Variants in RFX7 observed in about 807,000 individuals in gnomAD.
RFX7 encodes the protein regulatory factor X7.
RFX7 carries 26 observed loss-of-function variants against 111.8 expected under a neutral mutation model. The observed-to-expected ratio is 0.23, with a 90% CI of 0.17 to 0.32. The LOEUF (loss-of-function observed/expected upper bound fraction) is 0.32. Among genes scored for constraint, RFX7 ranks in the 10% least tolerant of loss-of-function variants. RFX7 has a pLI of 1.00. For synonymous variants in RFX7, 624 were observed against 624.4 expected (o/e 1.00, Z 0.01); for missense variants, 1,573 against 1,772.9 (o/e 0.89, Z 2.02).
In RFX7 at chr15:56,095,812, G is replaced by T. The variant is rs2041667915; in HGVS notation, c.1916C>A (p.Pro639Gln). The T allele has an allele frequency of 6.2e-7, 1 of 1,611,632 alleles. No homozygotes were observed. The highest frequency in any genetic ancestry group is 8.5e-7 in the Non-Finnish European group (1 of 1,179,868). Residue 639 changes from proline (P) to glutamine (Q), a missense_variant, in exon 10 of 10, where the codon CCA (proline) becomes CAA (glutamine). By Grantham distance (76) the Pro-to-Gln change is moderately conservative. Transcript: ENST00000559447. Reference protein sequence around the residue: ...QNLTFTSSSSPPNGDSINKDP... With the variant: ...QNLTFTSSSSQPNGDSINKDP... ...TTTATTGATTGAGTCACCATTAGGT[G>T]GTGAGCTGCTGCTGGTGAAAGTTAA...
intron 5 of RFX7, among the ~76,000 whole-genome samples, chr15:56,139,936 G>A (rs2042364036): frequency 6.6e-6 from 1 of 152,234 alleles, no homozygotes; most frequent in Admixed American, 6.5e-5. Flanking sequence ...TCAGGGGTCA[G>A]GGGCCAGGGA....
At position 56,096,179 on chromosome 15, in the gene RFX7, C is replaced by G; in HGVS notation, c.1549G>C (p.Val517Leu). Residue 517 changes from valine to leucine, a missense_variant, in exon 10 of 10, where the codon GTG (valine) becomes CTG (leucine). Around this residue, in one of 7 missense-constraint regions of RFX7, gnomAD observed 625 missense variants for 632.2 expected, o/e 0.99. Transcript: ENST00000559447. ...CTGGACCCAGGAGACTGAAGCGACA[C>G]GACAGAACCATTCTTGATCTGTGGA... is the stretch of plus-strand genomic sequence containing the variant. Reference protein sequence around the residue: ...SVPQIKNGSVVSLQSPGSRSS... With the variant: ...SVPQIKNGSVLSLQSPGSRSS... The G allele has an allele frequency of 6.2e-7, 1 of 1,613,886 alleles. No homozygotes were observed. The highest frequency in any genetic ancestry group is 1.1e-5 in the South Asian group (1 of 91,078).
At chr15:56,132,190 T>TA (rs2042226980) in intron 5 of RFX7, among the ~76,000 whole-genome samples, 1 of 152,094 alleles carries the variant, frequency 6.6e-6, no homozygotes, top group Non-Finnish European at 1.5e-5. Context: ...AAAATCCCCT[T>TA]AGAGTTTCCT....
intron 3 of RFX7, among the ~76,000 whole-genome samples, chr15:56,174,724 T>C (rs372296631): frequency 1.0e-3 from 154 of 152,132 alleles, no homozygotes; most frequent in African/African-American, 3.5e-3. Flanking sequence ...TAAAGCCTGG[T>C]TGATAGAGCC....
chr15:56,107,889 C>T (rs2041853322), intron 5 of RFX7, among the ~76,000 whole-genome samples: 1 of 152,162 alleles, frequency 6.6e-6, no homozygotes, highest in South Asian at 2.1e-4. Flanking sequence ...CCACTGATCC[C>T]ACAGAAATAC....
intron 5 of RFX7, among the ~76,000 whole-genome samples, chr15:56,112,885 A>G (rs1290726972): frequency 1.3e-5 from 2 of 152,256 alleles, no homozygotes; most frequent in African/African-American, 4.8e-5. Flanking sequence ...TATGCAACCA[A>G]CAAAAATATG....
intron 5 of RFX7, among the ~76,000 whole-genome samples, chr15:56,121,836 T>A (rs562363776): frequency 2.0e-5 from 3 of 152,208 alleles, no homozygotes; most frequent in Non-Finnish European, 4.4e-5. Context: ...AGTGTATTAA[T>A]TGCATCTTTC....
At chr15:56,102,331 A>C in intron 6 of RFX7, 78 bp from the exon 7 acceptor site, 1 of 775,370 alleles carries the variant, frequency 1.3e-6, no homozygotes, top group Non-Finnish European at 2.0e-6. Flanking sequence ...GTAACCATAT[A>C]TGAAATGAGA....
chr15:56,130,035 C>CA (rs2140989100), intron 5 of RFX7, among the ~76,000 whole-genome samples: 1 of 152,160 alleles, frequency 6.6e-6, no homozygotes, highest in African/African-American at 2.4e-5. Context: ...ACTAAGGATA[C>CA]AAAATCATGA....
chr15:56,205,233 T>C (rs1405065377), intron 2 of RFX7, among the ~76,000 whole-genome samples: 1 of 152,234 alleles, frequency 6.6e-6, no homozygotes, highest in East Asian at 1.9e-4. Context: ...TAGCTGTAAT[T>C]GCCAGTAGCA....
chr15:56,166,802 T>A (rs1321583627), intron 3 of RFX7, among the ~76,000 whole-genome samples: 1 of 152,176 alleles, frequency 6.6e-6, no homozygotes, highest in African/African-American at 2.4e-5. Flanking sequence ...TCACCCAGAC[T>A]GTACTGTGGC....
intron 5 of RFX7, among the ~76,000 whole-genome samples, chr15:56,112,984 T>C (rs1168832871): frequency 2.6e-5 from 4 of 152,204 alleles, no homozygotes; most frequent in Non-Finnish European, 1.5e-5. Flanking sequence ...ATGGCGATTA[T>C]TAAAAAGTCA....
chr15:56,128,087 T>A (rs770747633), intron 5 of RFX7, among the ~76,000 whole-genome samples: 7 of 151,914 alleles, frequency 4.6e-5, no homozygotes, highest in Non-Finnish European at 1.0e-4. Flanking sequence ...CAAAAGGAAA[T>A]AGATAACCTG....
intron 5 of RFX7, among the ~76,000 whole-genome samples, chr15:56,123,008 G>C (rs926716893): frequency 3.9e-4 from 60 of 151,960 alleles, no homozygotes; most frequent in African/African-American, 1.4e-3. Flanking sequence ...TAAGAGCCAA[G>C]GCCTGGAATC....
intron 2 of RFX7, among the ~76,000 whole-genome samples, chr15:56,240,746 G>C (rs1375222714): frequency 6.6e-6 from 1 of 152,062 alleles, no homozygotes; most frequent in African/African-American, 2.4e-5. Context: ...TCAGGAAGTA[G>C]TACAAAACTG....
chr15:56,115,386 A>G (rs1354196132), intron 5 of RFX7, among the ~76,000 whole-genome samples: 3 of 152,230 alleles, frequency 2.0e-5, no homozygotes, highest in Non-Finnish European at 4.4e-5. Flanking sequence ...AAATATCCAC[A>G]GTACAGAAAT....
At chr15:56,117,257 G>C (rs1461772559) in intron 5 of RFX7, among the ~76,000 whole-genome samples, 2 of 152,122 alleles carry the variant, frequency 1.3e-5, no homozygotes, top group Admixed American at 1.3e-4. Flanking sequence ...ACGGAGAAAG[G>C]AGATTTAAAC....
chr15:56,213,986 G>A (rs1448606527), intron 2 of RFX7, among the ~76,000 whole-genome samples: 1 of 152,124 alleles, frequency 6.6e-6, no homozygotes, highest in Non-Finnish European at 1.5e-5. Flanking sequence ...GATAGCCCGT[G>A]ATCTTAGCAC....
At chr15:56,161,238 G>T (rs1022312782) in intron 3 of RFX7, among the ~76,000 whole-genome samples, 2 of 152,102 alleles carry the variant, frequency 1.3e-5, no homozygotes, top group South Asian at 4.2e-4. Flanking sequence ...ATGACCTAGA[G>T]AATTTACTGC....
Sources: gnomAD v4.1 joint callset for allele counts (sites outside exome capture counted in the v4.1 genomes callset) on GRCh38, gnomAD v4.1.1 for gene constraint, gnomAD v4.1.1 regional missense constraint, MANE v1.5 for transcripts, NCBI Gene and HGNC (gene_info 2026-07-23, HGNC 2026-07-21) for gene names.